The following SPOCK1 variants were observed in gnomAD, a reference collection of about 807,000 sequenced individuals.
SPOCK1 encodes the protein SPARC (osteonectin), cwcv and kazal like domains proteoglycan 1, also known as testican-1.
A neutral mutation model predicts 55.3 loss-of-function variants in SPOCK1; 23 were observed. The observed-to-expected ratio is 0.42, with a 90% CI of 0.30 to 0.59. SPOCK1 has a LOEUF of 0.59. Ranked by LOEUF, SPOCK1 falls within the 20% of genes least tolerant of loss-of-function variation. The pLI, the probability that SPOCK1 is intolerant of heterozygous loss-of-function variation, is 0.22. For synonymous variants in SPOCK1, 226 were observed against 221.0 expected (o/e 1.02, Z -0.20); for missense variants, 499 against 552.5 (o/e 0.90, Z 0.97).
At chr5:137,092,968 G>T (rs1753077268) in intron 5 of SPOCK1, among the ~76,000 whole-genome samples, 1 of 152,116 alleles carries the variant, frequency 6.6e-6, no homozygotes, top group African/African-American at 2.4e-5. Context: ...CACATTAATG[G>T]GTCAGCTCAA....
chr5:137,101,230 C>A (rs1753259892), intron 5 of SPOCK1, among the ~76,000 whole-genome samples: 1 of 152,232 alleles, frequency 6.6e-6, no homozygotes, highest in African/African-American at 2.4e-5. Context: ...TTTAATTAGG[C>A]TTATAGCACT....
intron 2 of SPOCK1, among the ~76,000 whole-genome samples, chr5:137,318,248 C>G (rs77474223): frequency 6.6e-6 from 1 of 152,154 alleles, no homozygotes; most frequent in Non-Finnish European, 1.5e-5. Flanking sequence ...TAAAGTGCTG[C>G]GCAGTGGCTG....
chr5:137,280,935 C>A (rs965171456), intron 2 of SPOCK1, among the ~76,000 whole-genome samples: 1 of 152,142 alleles, frequency 6.6e-6, no homozygotes, highest in Non-Finnish European at 1.5e-5. Context: ...AAGCCTCAAC[C>A]ATCCTTACAT....
intron 3 of SPOCK1, among the ~76,000 whole-genome samples, chr5:137,246,346 C>G (rs909692084): frequency 3.3e-5 from 5 of 152,196 alleles, no homozygotes; most frequent in Non-Finnish European, 5.9e-5. Flanking sequence ...AGTAAACTGT[C>G]TGCCATCTAT....
At chr5:137,347,001 T>C (rs372798026) in intron 2 of SPOCK1, among the ~76,000 whole-genome samples, 5 of 152,016 alleles carry the variant, frequency 3.3e-5, no homozygotes, top group Non-Finnish European at 4.4e-5. Flanking sequence ...ACCTCCAGGG[T>C]CCTTCCAGTT....
At chr5:137,260,887 G>A (rs1190539199) in intron 3 of SPOCK1, among the ~76,000 whole-genome samples, 2 of 152,230 alleles carry the variant, frequency 1.3e-5, no homozygotes, top group South Asian at 2.1e-4. Context: ...GGCTGGAGCC[G>A]AGTGTGCGTG....
intron 2 of SPOCK1, among the ~76,000 whole-genome samples, chr5:137,334,856 T>G: frequency 6.6e-6 from 1 of 152,218 alleles, no homozygotes; most frequent in African/African-American, 2.4e-5. Context: ...TGAAAACAGG[T>G]GGTACTGACC....
intron 2 of SPOCK1, among the ~76,000 whole-genome samples, chr5:137,305,378 C>G (rs904243231): frequency 2.0e-5 from 3 of 152,340 alleles, no homozygotes; most frequent in African/African-American, 7.2e-5. Context: ...CAGCCCCATC[C>G]TGCTTATCTT....
rs147461557 is a variant in SPOCK1, at chr5:137,443,585, G to A, written c.186+54788C>T. On this transcript the variant is annotated intron_variant, in intron 2 of 10. Transcript: ENST00000394945. ...CAGGTCCACACTTGACTCCTTGTCCGGCTTCCCCATGACCCCAAACCATAG... is the reference window on the plus strand; with the variant it reads ...CAGGTCCACACTTGACTCCTTGTCCAGCTTCCCCATGACCCCAAACCATAG... 4.5e-3 allele frequency among the ~76,000 whole-genome samples: 688 copies of A among 152,110 alleles called. 4 individuals are homozygous for A. The highest frequency in any genetic ancestry group is 0.016 in the African/African-American group (644 of 41,480).
At position 136,998,603 on chromosome 5, in the gene SPOCK1, C is replaced by G. The variant is rs139943883; in HGVS notation, c.590-6003G>C. Among the ~76,000 whole-genome samples the G allele has an allele frequency of 2.6e-3, 395 of 152,248 alleles. 3 individuals carry two copies. Among genetic ancestry groups the G allele is most frequent in the African/African-American group, 9.2e-3 (382 of 41,548 alleles). On this transcript the variant is annotated intron_variant, in intron 6 of 10. Coordinates refer to ENST00000394945, the MANE Select transcript of SPOCK1 (RefSeq NM_004598.4). ...GTCCATACTCTGGGTTGAAAAAAAT[C>G]AAAATATCAGGCCTTGCCTTGCGTA... is the stretch of plus-strand genomic sequence containing the variant.
chr5:137,044,869 C>T (rs1331908026), intron 6 of SPOCK1, among the ~76,000 whole-genome samples: 6 of 145,640 alleles, frequency 4.1e-5, no homozygotes, highest in African/African-American at 7.6e-5. Context: ...GTTCAATTCC[C>T]GCCTATGAGT....
chr5:137,494,982 T>C (rs1044013058), intron 2 of SPOCK1, among the ~76,000 whole-genome samples: 10 of 152,240 alleles, frequency 6.6e-5, no homozygotes, highest in African/African-American at 2.4e-4. Flanking sequence ...TTGAACAACT[T>C]AATACAAAGA....
intron 6 of SPOCK1, among the ~76,000 whole-genome samples, chr5:137,018,216 G>A (rs1751489393): frequency 6.6e-6 from 1 of 152,118 alleles, no homozygotes; most frequent in Admixed American, 6.6e-5. Context: ...ACCCAAAACG[G>A]CAACAGTGCC....
intron 2 of SPOCK1, among the ~76,000 whole-genome samples, chr5:137,279,147 C>T (rs1299100510): frequency 6.6e-6 from 1 of 152,204 alleles, no homozygotes; most frequent in Non-Finnish European, 1.5e-5. Context: ...AGGGTGACTC[C>T]ACCAAACTGG....
intron 3 of SPOCK1, among the ~76,000 whole-genome samples, chr5:137,250,767 A>G (rs1756508701): frequency 6.6e-6 from 1 of 152,242 alleles, no homozygotes; most frequent in Non-Finnish European, 1.5e-5. Context: ...AGGGAGTACC[A>G]GGGATATTTA....
chr5:137,223,654 CAT>C (rs747142051), intron 3 of SPOCK1, among the ~76,000 whole-genome samples: 47 of 152,126 alleles, frequency 3.1e-4, no homozygotes, highest in Admixed American at 9.8e-4. Context: ...CATTTTATCA[CAT>C]GTTGATAAAA....
intron 3 of SPOCK1, among the ~76,000 whole-genome samples, chr5:137,212,941 T>C (rs1010919813): frequency 2.0e-5 from 3 of 152,192 alleles, no homozygotes; most frequent in Admixed American, 1.3e-4. Context: ...AGACTCAAGC[T>C]GCTGCTGACC....
rs1167585732 is a variant in SPOCK1 at position 136,976,940 on chromosome 5, G to A, written c.*1714C>T. ...TCAATTTGGGATGGGGGATTGGTCA[G>A]CTGCCACTATAATCATGTTTTGGCT... On this transcript the variant is annotated 3_prime_UTR_variant, in exon 11 of 11. Coordinates refer to ENST00000394945, the MANE Select transcript of SPOCK1 (RefSeq NM_004598.4). 1 of 152,228 alleles carries A rather than the reference G, an allele frequency of 6.6e-6. No homozygotes were observed. Among genetic ancestry groups the A allele is most frequent in the Non-Finnish European group, 1.5e-5 (1 of 68,062 alleles). 9.4% of individuals were successfully genotyped at this position (152,228 alleles called of 1,614,324 possible).
At chr5:137,386,420 G>A (rs1034526068) in intron 2 of SPOCK1, among the ~76,000 whole-genome samples, 3 of 136,972 alleles carry the variant, frequency 2.2e-5, no homozygotes, top group African/African-American at 7.6e-5. Flanking sequence ...ATGCAATATT[G>A]AAGAACACAG....
Sources: allele counts gnomAD v4.1 joint callset (sites outside exome capture counted in the v4.1 genomes callset), GRCh38; gene constraint gnomAD v4.1.1; transcripts MANE v1.5; gene names NCBI Gene and HGNC (gene_info 2026-07-23, HGNC 2026-07-21).